The following WDFY4 variants were observed in gnomAD, a reference collection of about 807,000 sequenced individuals.
WDFY4 encodes the protein WDFY family member 4.
In WDFY4, 169 loss-of-function variants were observed where a neutral mutation model predicts 351.9. The observed-to-expected ratio is 0.48, with a 90% CI of 0.42 to 0.55. The LOEUF is 0.55. WDFY4 is among the 20% of genes least tolerant of loss of function. The pLI is 0.00. For synonymous variants in WDFY4, 1,622 were observed against 1,574.6 expected (o/e 1.03, Z -0.71); for missense variants, 3,803 against 3,935.6 (o/e 0.97, Z 0.90).
chr10:48,911,355 C>T (rs535896856), intron 47 of WDFY4, among the ~76,000 whole-genome samples: 42 of 152,288 alleles, frequency 2.8e-4, no homozygotes, highest in African/African-American at 9.6e-4. Context: ...CTTTTATGAG[C>T]TACTTGATGG....
chr10:48,716,212 A>T (rs980255400), intron 2 of WDFY4, among the ~76,000 whole-genome samples: 2 of 152,130 alleles, frequency 1.3e-5, no homozygotes, highest in African/African-American at 4.8e-5. Context: ...AAACCTGCCA[A>T]ACTCTGCAGT....
intron 39 of WDFY4, among the ~76,000 whole-genome samples, chr10:48,836,650 C>G (rs913597568): frequency 5.0e-4 from 76 of 152,152 alleles, no homozygotes; most frequent in African/African-American, 1.7e-3. Context: ...AACTTTGAGG[C>G]AGGGCTGATT....
chr10:48,692,051 G>C (rs1184974862), intron 1 of WDFY4, among the ~76,000 whole-genome samples: 1 of 152,236 alleles, frequency 6.6e-6, no homozygotes, highest in Admixed American at 6.5e-5. Flanking sequence ...CCCAGGATGG[G>C]GGGTGTGAGC....
At position 48,779,943 on chromosome 10, in the gene WDFY4, G is replaced by T; in HGVS notation, c.3400G>T (p.Val1134Phe). ...TEEKEFQPLDVMEPEDDSEPS... is the reference protein window; with the variant it reads ...TEEKEFQPLDFMEPEDDSEPS... The stretch of plus-strand genomic sequence containing the variant: ...TCAGTGTTCATGCTGTCTTCCAGAT[G>T]TCATGGAACCTGAGGATGACTCCGA... The change falls in exon 19 of 62, where the codon GTC becomes TTC. Residue 1134 changes from valine to phenylalanine, a missense_variant and splice_region_variant. Physicochemically the swap from Val to Phe is conservative, Grantham distance 50. Coordinates refer to ENST00000325239, the MANE Select transcript of WDFY4 (RefSeq NM_001394531.1). 1 of 1,551,582 alleles carries T rather than the reference G, an allele frequency of 6.4e-7. No individual in the cohort carries two copies. The highest frequency in any genetic ancestry group is 8.7e-7 in the Non-Finnish European group (1 of 1,146,998).
At chr10:48,887,602 C>A (rs1352197132) in intron 43 of WDFY4, among the ~76,000 whole-genome samples, 5 of 152,052 alleles carry the variant, frequency 3.3e-5, no homozygotes, top group Non-Finnish European at 5.9e-5. Context: ...CACGGTGAAA[C>A]CCCATCTTTA....
At position 48,833,168 on chromosome 10, in the gene WDFY4, T is replaced by TGA. The variant is rs1364445874; in HGVS notation, c.6663+460_6663+461insAG. ...GTGTGTGTGTGTGTGTGTGTGTGTG[T>TGA]GTGTGAGAGAGAGAGAGAGAGAGAG... On this transcript the variant is annotated intron_variant, in intron 39 of 61. Coordinates refer to ENST00000325239, the MANE Select transcript of WDFY4 (RefSeq NM_001394531.1). Among the ~76,000 whole-genome samples, 571 of 106,800 alleles carry TGA rather than the reference T, an allele frequency of 5.3e-3. 2 individuals carry two copies. Among genetic ancestry groups the TGA allele is most frequent in the East Asian group, 0.031 (43 of 1,374 alleles). 70.1% of individuals were successfully genotyped at this position (106,800 alleles called of 152,430 possible). A position where few individuals can be genotyped will look rare whatever the true frequency, so the allele number is the denominator to read the frequency against.
In WDFY4 at chr10:48,950,983, G is replaced by T. The variant is rs116527950; in HGVS notation, c.7977+4014G>T. On this transcript the variant is annotated intron_variant, in intron 51 of 61. Transcript: ENST00000325239. ...AGTGCGGTCTGCTGGGTTGCAGAGA[G>T]GCAGGCATGGAGTTCTCTGGGCACT... 6.2e-3 allele frequency among the ~76,000 whole-genome samples: 940 copies of T among 152,358 alleles called. 12 individuals carry two copies. The highest frequency in any genetic ancestry group is 0.022 in the African/African-American group (904 of 41,578).
In WDFY4 at chr10:48,923,496, G is replaced by GTATATATATATATACATATATATATA. The variant is rs1839282292; in HGVS notation, c.7587-18296_7587-18295insCATATATATATATATATATATATATA. Reference sequence around the variant, plus strand: ...TCAGGTAAACAACAAATAGTTTTTAGTATATATATATATATATGTCCCAAA... The same window carrying GTATATATATATATACATATATATATA: ...TCAGGTAAACAACAAATAGTTTTTAGTATATATATATATACATATATATATATATATATATATATATATGTCCCAAA... On this transcript the variant is annotated intron_variant, in intron 47 of 61. Coordinates refer to ENST00000325239, the MANE Select transcript of WDFY4 (RefSeq NM_001394531.1). 3.2e-5 allele frequency among the ~76,000 whole-genome samples: 2 copies of GTATATATATATATACATATATATATA among 63,214 alleles called. 1 individual carries two copies. Among genetic ancestry groups the GTATATATATATATACATATATATATA allele is most frequent in the African/African-American group, 6.9e-5 (2 of 28,840 alleles). 41.5% of individuals were successfully genotyped at this position (63,214 alleles called of 152,430 possible). A position where few individuals can be genotyped will look rare whatever the true frequency, so the allele number is the denominator to read the frequency against.
chr10:48,697,509 G>C (rs1279904379), intron 1 of WDFY4, among the ~76,000 whole-genome samples: 2 of 152,248 alleles, frequency 1.3e-5, no homozygotes, highest in Non-Finnish European at 2.9e-5. Context: ...GGCGATGGCT[G>C]CTCTGTTTCC....
At chr10:48,777,250 G>C (rs1262962843) in intron 16 of WDFY4, among the ~76,000 whole-genome samples, 169 bp from the exon 17 acceptor site, 2 of 152,162 alleles carry the variant, frequency 1.3e-5, no homozygotes, top group African/African-American at 4.8e-5. Context: ...CCTTCCCTTA[G>C]GCATCCTACC....
intron 44 of WDFY4, 124 bp from the exon 45 acceptor site, chr10:48,897,330 C>T (rs1837132598): frequency 1.5e-6 from 2 of 1,358,358 alleles, no homozygotes; most frequent in African/African-American, 2.9e-5. Flanking sequence ...GTGACCACCG[C>T]ACTTCTCTGA....
At chr10:48,863,799 C>A (rs991984843) in intron 39 of WDFY4, among the ~76,000 whole-genome samples, 1 of 152,176 alleles carries the variant, frequency 6.6e-6, no homozygotes, top group Non-Finnish European at 1.5e-5. Context: ...AATTGACTCA[C>A]AGTTTGGCAT....
intron 51 of WDFY4, among the ~76,000 whole-genome samples, chr10:48,953,333 TCACA>T (rs1554820608): frequency 1.4e-4 from 18 of 128,226 alleles, no homozygotes; most frequent in African/African-American, 3.8e-4. Context: ...TCTCTCTCTC[TCACA>T]CACACACACA....
intron 19 of WDFY4, 92 bp downstream of exon 19, chr10:48,780,211 GTTGT>G (rs765059745): frequency 4.9e-5 from 71 of 1,450,938 alleles, no homozygotes; most frequent in Admixed American, 1.1e-4. Flanking sequence ...TGTTTTTGTT[GTTGT>G]TTGTTTGTTT....
At chr10:48,969,953 G>A (rs118172155) in intron 56 of WDFY4, among the ~76,000 whole-genome samples, 178 bp from the exon 57 acceptor site, 4,142 of 152,214 alleles carry the variant, frequency 0.027, 83 homozygotes, top group Middle Eastern at 0.048. Context: ...TGGAGGAGGA[G>A]CTCCTGCGTG....
At chr10:48,840,338 C>T (rs1057082508) in intron 39 of WDFY4, among the ~76,000 whole-genome samples, 1 of 151,794 alleles carries the variant, frequency 6.6e-6, no homozygotes, top group African/African-American at 2.4e-5. Flanking sequence ...GGAGGGGCTC[C>T]ATTATCCTTT....
rs151023116 is a variant in WDFY4 at position 48,881,934 on chromosome 10, C to T, written c.7167+4735C>T. 3.4e-3 allele frequency among the ~76,000 whole-genome samples: 512 copies of T among 152,322 alleles called. 2 individuals carry two copies. Among genetic ancestry groups the T allele is most frequent in the African/African-American group, 0.011 (468 of 41,560 alleles). On this transcript the variant is annotated intron_variant, in intron 43 of 61. Coordinates refer to ENST00000325239, the MANE Select transcript of WDFY4 (RefSeq NM_001394531.1). ...TCCATCCCCTGGGCCTACCCCAGCC[C>T]CCTCTTATTGCCTGACTGATGATTT...
intron 39 of WDFY4, among the ~76,000 whole-genome samples, chr10:48,836,205 C>T (rs1257298610): frequency 2.6e-5 from 4 of 152,204 alleles, no homozygotes; most frequent in Non-Finnish European, 1.5e-5. Flanking sequence ...CAGCTGATTA[C>T]ACCTCAGTGA....
intron 15 of WDFY4, among the ~76,000 whole-genome samples, chr10:48,776,232 G>A (rs1002765441): frequency 1.3e-5 from 2 of 152,226 alleles, no homozygotes; most frequent in African/African-American, 4.8e-5. Flanking sequence ...ATGTTGGCCA[G>A]GGAACCAGCT....
Sources: allele counts gnomAD v4.1 joint callset (sites outside exome capture counted in the v4.1 genomes callset), GRCh38; gene constraint gnomAD v4.1.1; transcripts MANE v1.5; gene names NCBI Gene and HGNC (gene_info 2026-07-23, HGNC 2026-07-21).